The following GOLM1 variants were observed in gnomAD, a reference collection of about 807,000 sequenced individuals.
The protein encoded by GOLM1 is epididymis luminal protein 46.
A neutral mutation model predicts 50.5 loss-of-function variants in GOLM1; 31 were observed. The observed-to-expected ratio is 0.61, with a 90% confidence interval of 0.46 to 0.83. The LOEUF (loss-of-function observed/expected upper bound fraction) is 0.83, where lower values mean the gene tolerates loss of function less well. Ranked by LOEUF, GOLM1 falls within the 40% of genes least tolerant of loss-of-function variation. The pLI, the probability that GOLM1 is intolerant of heterozygous loss-of-function variation, is 0.00. For synonymous variants in GOLM1, 178 were observed against 192.8 expected (o/e 0.92, Z 0.64); for missense variants, 491 against 501.3 (o/e 0.98, Z 0.20).
intron 9 of GOLM1, among the ~76,000 whole-genome samples, chr9:86,032,799 C>T (rs1833024350): frequency 6.6e-6 from 1 of 152,154 alleles, no homozygotes; most frequent in Non-Finnish European, 1.5e-5. Context: ...AATTCATCAG[C>T]CTGAATCCAC....
chr9:86,062,833 C>T (rs1178502163), intron 3 of GOLM1, among the ~76,000 whole-genome samples: 4 of 152,160 alleles, frequency 2.6e-5, no homozygotes, highest in Non-Finnish European at 5.9e-5. Context: ...AATAAAACTT[C>T]CAGGAGGATC....
chr9:86,035,242 T>C (rs1435824079), intron 8 of GOLM1, 126 bp downstream of exon 8: 7 of 1,520,106 alleles, frequency 4.6e-6, no homozygotes, highest in Admixed American at 4.4e-5. Context: ...CGAAAAGGAA[T>C]TGGCAAATTG....
intron 3 of GOLM1, among the ~76,000 whole-genome samples, chr9:86,076,143 G>T (rs181742342): frequency 1.3e-5 from 2 of 152,178 alleles, no homozygotes; most frequent in East Asian, 3.9e-4. Flanking sequence ...TTCAGGCCAG[G>T]TGCGGTGGCT....
At position 86,093,318 on chromosome 9, in the gene GOLM1, T is replaced by C. The variant is rs139823153; in HGVS notation, c.-22+6093A>G. Among the ~76,000 whole-genome samples, 1,031 of 148,452 alleles carry C rather than the reference T, an allele frequency of 6.9e-3. 8 individuals are homozygous for C. The highest frequency in any genetic ancestry group is 9.9e-3 in the Non-Finnish European group (673 of 67,700). On this transcript the variant is annotated intron_variant, in intron 1 of 9. Coordinates refer to ENST00000388712, the MANE Select transcript of GOLM1 (RefSeq NM_016548.4). ...CTTGAACTTGGGAGGCAGAGGTTGC[T>C]GTGAGCCAAGATTGCGCCACTCACT...
intron 3 of GOLM1, among the ~76,000 whole-genome samples, chr9:86,053,327 C>CTCCA: frequency 7.9e-6 from 1 of 125,828 alleles, no homozygotes; most frequent in Non-Finnish European, 1.7e-5. Context: ...AGGCCACACA[C>CTCCA]CACACTACAC....
chr9:86,048,431 T>G (rs926220028), intron 4 of GOLM1, among the ~76,000 whole-genome samples: 1 of 152,192 alleles, frequency 6.6e-6, no homozygotes, highest in Non-Finnish European at 1.5e-5. Flanking sequence ...TAGTTCTAGA[T>G]CCTTGAGGAA....
chr9:86,097,675 C>T (rs1835392534), intron 1 of GOLM1, among the ~76,000 whole-genome samples: 4 of 152,204 alleles, frequency 2.6e-5, no homozygotes, highest in Admixed American at 2.6e-4. Flanking sequence ...TAAAGTGATG[C>T]TCCACCCTTC....
At chr9:86,075,866 A>G (rs1183166096) in intron 3 of GOLM1, among the ~76,000 whole-genome samples, 4 of 152,354 alleles carry the variant, frequency 2.6e-5, no homozygotes, top group East Asian at 1.9e-4. Flanking sequence ...GAAGAAACAT[A>G]AAGAAGCACT....
At chr9:86,030,536 C>CT (rs1358536742) in intron 9 of GOLM1, among the ~76,000 whole-genome samples, 9 of 152,056 alleles carry the variant, frequency 5.9e-5, no homozygotes, top group Admixed American at 3.3e-4. Flanking sequence ...GATTGAGGGA[C>CT]TTTCAACCAA....
chr9:86,067,196 A>G lies in GOLM1; in HGVS notation c.309+10216T>C, dbSNP rs574375089. ...GGCCTTGGCCTCCCAAAGTGCTGGG[A>G]TTACAGGTATCAGCCACCATGCCTG... On this transcript the variant is annotated intron_variant, in intron 3 of 9. Transcript: ENST00000388712. 7.2e-4 allele frequency among the ~76,000 whole-genome samples: 110 copies of G among 152,348 alleles called. No individual in the cohort carries two copies. In the South Asian group the frequency reaches 0.022, roughly 30 times the overall value.
In GOLM1 at chr9:86,035,478, ACCT is replaced by A; in HGVS notation, c.902_904del (p.Gln301_Val302delinsLeu). On this transcript the variant is annotated inframe_deletion, in exon 8 of 10. Transcript: ENST00000388712. Reference sequence around the variant, plus strand: ...CTGGCTCACTGACAGGGCAGCCTGCACCTGTGGGGTCTGGCCCAGTTCTCCGGC... The same window carrying A: ...CTGGCTCACTGACAGGGCAGCCTGCAGTGGGGTCTGGCCCAGTTCTCCGGC... 1 of 1,613,358 alleles carries A rather than the reference ACCT, an allele frequency of 6.2e-7. No individual in the cohort carries two copies.
chr9:86,057,547 C>G (rs1834028557), intron 3 of GOLM1, among the ~76,000 whole-genome samples: 1 of 152,158 alleles, frequency 6.6e-6, no homozygotes, highest in Non-Finnish European at 1.5e-5. Flanking sequence ...GGAAACAGAA[C>G]CCCCCACTCC....
chr9:86,093,671 T>G (rs774327786), intron 1 of GOLM1, among the ~76,000 whole-genome samples: 1 of 152,180 alleles, frequency 6.6e-6, no homozygotes. Context: ...AAAATTATTA[T>G]TTGCTTTTAA....
Position 86,035,532 on chromosome 9 carries a change from G to A in GOLM1, c.851C>T (p.Pro284Leu). The change falls in exon 8 of 10, where the codon CCT (proline) becomes CTT (leucine). Residue 284 changes from proline (P) to leucine (L), a missense_variant. Physicochemically the swap from Pro to Leu is moderately conservative, Grantham distance 98 (BLOSUM62 -3). Coordinates refer to ENST00000388712, the MANE Select transcript of GOLM1 (RefSeq NM_016548.4). ...PGREQVVEDR[P>L]VGGRGFGGAG... ...TCCCCCGAAGCCTCTTCCACCTACA[G>A]GTCTGTCTTCCACCACCTGCTCCCG... The A allele has an allele frequency of 6.2e-7, 1 of 1,612,096 alleles. No homozygotes were observed. The highest frequency in any genetic ancestry group is 1.1e-5 in the South Asian group (1 of 91,072).
intron 2 of GOLM1, among the ~76,000 whole-genome samples, chr9:86,078,191 A>G (rs778030642): frequency 3.3e-5 from 5 of 152,228 alleles, no homozygotes; most frequent in African/African-American, 1.2e-4. Flanking sequence ...CTGTGAAATG[A>G]GGAAAGTCAA....
intron 9 of GOLM1, among the ~76,000 whole-genome samples, chr9:86,030,192 T>C (rs1054576088): frequency 1.9e-4 from 24 of 124,620 alleles, no homozygotes; most frequent in Non-Finnish European, 3.3e-4. Context: ...CACTCCAGCC[T>C]GGGCAAGAAG....
At chr9:86,049,664 G>A (rs1304485314) in intron 4 of GOLM1, among the ~76,000 whole-genome samples, 1 of 151,730 alleles carries the variant, frequency 6.6e-6, no homozygotes, top group African/African-American at 2.4e-5. Flanking sequence ...TGATTTGGCT[G>A]TTTGTCTGTT....
chr9:86,071,225 G>C (rs1036028290), intron 3 of GOLM1, among the ~76,000 whole-genome samples: 1 of 152,066 alleles, frequency 6.6e-6, no homozygotes, highest in African/African-American at 2.4e-5. Flanking sequence ...AGCTTCCTGA[G>C]TAGCTAGGAC....
chr9:86,068,689 G>A (rs896286723), intron 3 of GOLM1, among the ~76,000 whole-genome samples: 4 of 152,238 alleles, frequency 2.6e-5, no homozygotes, highest in African/African-American at 9.6e-5. Flanking sequence ...AGATGCAGGA[G>A]CAAAATACAT....
Sources: allele counts gnomAD v4.1 joint callset (sites outside exome capture counted in the v4.1 genomes callset), GRCh38; gene constraint gnomAD v4.1.1; transcripts MANE v1.5; gene names NCBI Gene and HGNC (gene_info 2026-07-23, HGNC 2026-07-21).